C4orf50: variants seen among roughly 807,000 people sequenced by gnomAD.
The protein encoded by C4orf50 is chromosome 4 open reading frame 50.
In C4orf50, 80 loss-of-function variants were observed where a neutral mutation model predicts 77.2. The ratio of observed to expected loss-of-function variants is 1.04; its 90% CI spans 0.87 to 1.25. The LOEUF (loss-of-function observed/expected upper bound fraction) is 1.25, where lower values mean the gene tolerates loss of function less well. Ranked by LOEUF, C4orf50 falls within the 50% of genes most tolerant of loss-of-function variation. C4orf50 has a pLI of 0.00. For synonymous variants in C4orf50, 532 were observed against 465.3 expected (o/e 1.14, Z -1.84); for missense variants, 1,257 against 1,152.9 (o/e 1.09, Z -1.31).
At chr4:5,962,673 C>G (rs868745885) in intron 33 of C4orf50, among the ~76,000 whole-genome samples, 1 of 152,228 alleles carries the variant, frequency 6.6e-6, no homozygotes. Flanking sequence ...CCAGCTCTGC[C>G]GCTTATGAGC....
At chr4:5,937,529 G>A (rs533136622) in intron 7 of C4orf50, among the ~76,000 whole-genome samples, 18 of 152,030 alleles carry the variant, frequency 1.2e-4, no homozygotes, top group African/African-American at 3.9e-4. Context: ...GTAAGATGAC[G>A]GATAAATATA....
At chr4:5,917,943 C>G (rs12499301) in intron 7 of C4orf50, among the ~76,000 whole-genome samples, 57,162 of 151,834 alleles carry the variant, frequency 0.38, 13,434 homozygotes, top group East Asian at 0.76. Context: ...CAATGAGATG[C>G]GGCTGGTCAT....
intron 25 of C4orf50, among the ~76,000 whole-genome samples, chr4:5,995,703 C>G (rs1366467550): frequency 6.6e-6 from 1 of 152,214 alleles, no homozygotes; most frequent in African/African-American, 2.4e-5. Flanking sequence ...CACCCTCATC[C>G]TAGCCTGTAT....
exon 28 of C4orf50, chr4:5,989,652 C>T (rs1284786139): frequency 1.3e-6 from 2 of 1,536,114 alleles, no homozygotes; most frequent in Non-Finnish European, 1.7e-6. Flanking sequence ...TGAGTGCACA[C>T]CTGTTGTGTC....
At chr4:6,014,005 G>GTT (rs35565123) in intron 23 of C4orf50, among the ~76,000 whole-genome samples, 26,583 of 96,952 alleles carry the variant, frequency 0.27, 3,091 homozygotes, top group East Asian at 0.59. Flanking sequence ...TAAGTTGTGT[G>GTT]TTTTTTTTTT....
intron 7 of C4orf50, among the ~76,000 whole-genome samples, chr4:5,935,780 C>G (rs1246364898): frequency 1.2e-5 from 1 of 80,002 alleles, no homozygotes; most frequent in Non-Finnish European, 2.3e-5. Flanking sequence ...AGGGAGACTC[C>G]GTCTAAAAAA....
rs533516111 is a variant in C4orf50 at position 6,011,081 on chromosome 4, G to A, written c.426+749C>T. 6.6e-6 allele frequency among the ~76,000 whole-genome samples: 1 copy of A among 152,224 alleles called. No individual in the cohort carries two copies. The highest frequency in any genetic ancestry group is 2.1e-4 in the South Asian group (1 of 4,818). ...AGCCCCCCACCCTTAACTGCCCACT[G>A]CTTCTCCAGAGAGCTCTCGAACTTC... On this transcript the variant is annotated intron_variant, in intron 24 of 33. Coordinates refer to ENST00000531445, the Ensembl canonical transcript of C4orf50. This position sits in a 1 kb window ranked among gnomAD's most constrained non-coding sequence, Gnocchi z 4.2.
At chr4:5,988,590 C>T (rs1182899493) in exon 28 of C4orf50, 1 of 1,536,394 alleles carries the variant, frequency 6.5e-7, no homozygotes, top group Non-Finnish European at 8.7e-7. Flanking sequence ...TTTCCTCCTC[C>T]AAGGGTGGCC....
At chr4:5,959,521 G>A (rs1257090485) in exon 34 of C4orf50, 3 of 1,614,190 alleles carry the variant, frequency 1.9e-6, no homozygotes, top group Admixed American at 1.7e-5. Flanking sequence ...GCAGGACAGG[G>A]CATTCCGCCT....
chr4:5,962,602 C>T (rs1279693623), intron 33 of C4orf50, among the ~76,000 whole-genome samples: 3 of 152,232 alleles, frequency 2.0e-5, no homozygotes, highest in African/African-American at 7.2e-5. Flanking sequence ...AGGCCACGCA[C>T]CATCTGGCCA....
At chr4:6,004,644 T>G in intron 25 of C4orf50, among the ~76,000 whole-genome samples, 1 of 143,908 alleles carries the variant, frequency 6.9e-6, no homozygotes, top group African/African-American at 2.6e-5. Flanking sequence ...GTGATGGTGA[T>G]GGTGATTATG....
chr4:5,980,089 C>G, intron 29 of C4orf50, 85 bp downstream of exon 7: 1 of 1,194,708 alleles, frequency 8.4e-7, no homozygotes, highest in Non-Finnish European at 1.2e-6. Flanking sequence ...TCAAGAAGAC[C>G]TCAGCAAATC....
intron 7 of C4orf50, among the ~76,000 whole-genome samples, chr4:5,920,475 C>CTT (rs527939516): frequency 3.2e-4 from 41 of 128,946 alleles, no homozygotes; most frequent in South Asian, 7.5e-4. Context: ...ATAAACATTG[C>CTT]TTTTTTTTTT....
At chr4:5,948,774 C>T (rs1202352983) in intron 7 of C4orf50, among the ~76,000 whole-genome samples, 2 of 137,604 alleles carry the variant, frequency 1.5e-5, no homozygotes, top group Non-Finnish European at 3.1e-5. Flanking sequence ...AGCCTGGTGA[C>T]AAAGTGAGAC....
At chr4:5,910,333 G>A (rs1283874372) in intron 7 of C4orf50, among the ~76,000 whole-genome samples, 1 of 152,176 alleles carries the variant, frequency 6.6e-6, no homozygotes, top group Non-Finnish European at 1.5e-5. Context: ...TCAGGGGATA[G>A]TTAGCATTTC....
intron 25 of C4orf50, among the ~76,000 whole-genome samples, chr4:5,994,712 C>T (rs780171317): frequency 6.6e-6 from 1 of 152,176 alleles, no homozygotes; most frequent in African/African-American, 2.4e-5. Context: ...CCACAGACAA[C>T]GAGGGCAGCG....
rs535215178 is a variant in C4orf50 at position 5,930,046 on chromosome 4, T to C, written c.*2474+26855A>G. ...TCTAACAGGACGCAGGTGATACTTCTAGGCATGATGACAACCAGGTGTTGA... is the reference window on the plus strand; with the variant it reads ...TCTAACAGGACGCAGGTGATACTTCCAGGCATGATGACAACCAGGTGTTGA... On this transcript the variant is annotated intron_variant, in intron 7 of 7. Coordinates refer to the C4orf50 transcript ENST00000324058. Among the ~76,000 whole-genome samples, 119 of 152,318 alleles carry C rather than the reference T, an allele frequency of 7.8e-4. 1 individual carries two copies. The highest frequency in any genetic ancestry group is 2.7e-3 in the African/African-American group (114 of 41,568).
At chr4:5,959,872 C>T (rs1460457995) in intron 33 of C4orf50, among the ~76,000 whole-genome samples, 1 of 152,238 alleles carries the variant, frequency 6.6e-6, no homozygotes, top group Non-Finnish European at 1.5e-5. Flanking sequence ...GAGGCTCCCT[C>T]TCCACGTCAT....
Position 5,921,667 on chromosome 4 carries a change from A to C in C4orf50, c.*2475-23479T>G, listed in dbSNP as rs147137431. 1.3e-3 allele frequency among the ~76,000 whole-genome samples: 204 copies of C among 152,126 alleles called. 1 individual carries two copies. Among genetic ancestry groups the C allele is most frequent in the African/African-American group, 4.6e-3 (192 of 41,502 alleles). On this transcript the variant is annotated intron_variant, in intron 7 of 7. Transcript: ENST00000324058. The stretch of plus-strand genomic sequence containing the variant: ...TAAGTTGGCAGGCAGAGCTGGAGAG[A>C]GGAGGAGGAGGGGACACTCGAGAGG...
Sources: gnomAD v4.1 joint callset for allele counts (sites outside exome capture counted in the v4.1 genomes callset) on GRCh38, gnomAD v4.1.1 for gene constraint, Gnocchi (gnomAD v3.1) non-coding constraint, MANE v1.5 for transcripts, NCBI Gene and HGNC (gene_info 2026-07-23, HGNC 2026-07-21) for gene names.